PIGL: variants seen among roughly 807,000 people sequenced by gnomAD.
PIGL encodes phosphatidylinositol glycan anchor biosynthesis class L.
A neutral mutation model predicts 31.1 loss-of-function variants in PIGL; 22 were observed. The observed-to-expected ratio is 0.71, with a 90% CI of 0.51 to 1.01. The LOEUF is 1.01. Among genes scored for constraint, PIGL ranks in the 50% least tolerant of loss-of-function variants. PIGL has a pLI of 0.00. For synonymous variants in PIGL, 131 were observed against 117.4 expected, an observed-to-expected ratio of 1.12 and a Z score of -0.75; for missense variants, 302 against 315.9, an observed-to-expected ratio of 0.96 and a Z score of 0.33.
At chr17:16,298,764 A>C (rs1350202567) in intron 2 of PIGL, among the ~76,000 whole-genome samples, 1 of 151,850 alleles carries the variant, frequency 6.6e-6, no homozygotes, top group Non-Finnish European at 1.5e-5. Flanking sequence ...GCAGTGGCTC[A>C]CGCCTGTAAT....
intron 2 of PIGL, among the ~76,000 whole-genome samples, chr17:16,274,858 C>G (rs1290029765): frequency 6.6e-6 from 1 of 151,714 alleles, no homozygotes; most frequent in Non-Finnish European, 1.5e-5. Context: ...ATGGCAAAAC[C>G]CCGTCTCTAC....
At chr17:16,217,624 G>GAGATCTACACCAA in intron 1 of PIGL, 163 bp downstream of exon 1, 2 of 556,090 alleles carry the variant, frequency 3.6e-6, no homozygotes, top group Admixed American at 3.4e-5. Flanking sequence ...AGGAGCGGCC[G>GAGATCTACACCAA]GCTTACCTGG....
intron 2 of PIGL, among the ~76,000 whole-genome samples, chr17:16,280,283 G>C (rs2092911202): frequency 6.6e-6 from 1 of 152,202 alleles, no homozygotes; most frequent in Non-Finnish European, 1.5e-5. Flanking sequence ...GGTCCTATAA[G>C]ACTGGAGAAA....
intron 2 of PIGL, among the ~76,000 whole-genome samples, chr17:16,296,972 G>A (rs560492041): frequency 7.0e-4 from 106 of 152,010 alleles, no homozygotes; most frequent in Middle Eastern, 3.4e-3. Flanking sequence ...CGCCCGCCTC[G>A]GCCTCCCAAA....
intron 3 of PIGL, among the ~76,000 whole-genome samples, chr17:16,310,041 G>A (rs1347704091): frequency 1.5e-5 from 2 of 132,838 alleles, no homozygotes; most frequent in African/African-American, 5.8e-5. Context: ...TCGCACCACT[G>A]CACTCTAGCT....
At chr17:16,285,569 C>CAA (rs572923923) in intron 2 of PIGL, among the ~76,000 whole-genome samples, 5 of 137,076 alleles carry the variant, frequency 3.6e-5, no homozygotes, top group African/African-American at 5.3e-5. Context: ...GCTCTGTCTC[C>CAA]AAAAAAAAAA....
intron 2 of PIGL, among the ~76,000 whole-genome samples, chr17:16,258,096 AGAGAGAAAGAG>A (rs2092802958): frequency 1.5e-5 from 2 of 130,226 alleles, no homozygotes; most frequent in African/African-American, 5.9e-5. Context: ...AGAGAGAGAG[AGAGAGAAAGAG>A]AGAGAGAGAG....
At chr17:16,315,819 C>T (rs1257999381) in intron 4 of PIGL, among the ~76,000 whole-genome samples, 1 of 146,262 alleles carries the variant, frequency 6.8e-6, no homozygotes, top group Non-Finnish European at 1.5e-5. Flanking sequence ...GCCTCAGCCT[C>T]CTGAGTAGCT....
intron 2 of PIGL, among the ~76,000 whole-genome samples, chr17:16,239,023 C>T (rs986839924): frequency 3.3e-5 from 5 of 150,384 alleles, no homozygotes; most frequent in Non-Finnish European, 4.4e-5. Context: ...GATTACAGGC[C>T]GGAGCCACCT....
chr17:16,217,700 C>G, intron 1 of PIGL: 1 of 533,242 alleles, frequency 1.9e-6, no homozygotes, highest in Non-Finnish European at 3.4e-6. Context: ...GAAACAGTTG[C>G]AGTTGGTTGT....
intron 1 of PIGL, among the ~76,000 whole-genome samples, chr17:16,228,050 C>CT (rs113533456): frequency 0.049 from 6,311 of 127,820 alleles, 156 homozygotes; most frequent in East Asian, 0.073. Flanking sequence ...CCATTTTAAA[C>CT]TTTTTTTTTT....
chr17:16,246,672 C>CTTTTTTATTTTTTTTT, intron 2 of PIGL, among the ~76,000 whole-genome samples: 1 of 64,162 alleles, frequency 1.6e-5, no homozygotes, highest in Non-Finnish European at 3.1e-5. Flanking sequence ...AGATCAAGGT[C>CTTTTTTATTTTTTTTT]TTTTTTTTTT....
chr17:16,301,640 C>T (rs2142838886), intron 3 of PIGL, among the ~76,000 whole-genome samples: 1 of 149,946 alleles, frequency 6.7e-6, no homozygotes, highest in Non-Finnish European at 1.5e-5. Flanking sequence ...GGTGTGATCG[C>T]CGCTCACTGC....
chr17:16,314,567 A>C (rs2093067974), intron 4 of PIGL, among the ~76,000 whole-genome samples: 2 of 152,152 alleles, frequency 1.3e-5, no homozygotes, highest in South Asian at 4.1e-4. Context: ...CACTTGGTGG[A>C]AGATGCTAGA....
intron 1 of PIGL, among the ~76,000 whole-genome samples, chr17:16,231,627 A>C (rs921104576): frequency 6.6e-6 from 1 of 152,150 alleles, no homozygotes; most frequent in Middle Eastern, 3.2e-3. Flanking sequence ...GTTTACCCTT[A>C]TAAATTATGA....
intron 1 of PIGL, among the ~76,000 whole-genome samples, chr17:16,229,331 T>C (rs2092667907): frequency 6.6e-6 from 1 of 151,900 alleles, no homozygotes; most frequent in African/African-American, 2.4e-5. Flanking sequence ...TGTGTATATA[T>C]ACATACATAT....
chr17:16,257,199 C>T (rs1464310818), intron 2 of PIGL, among the ~76,000 whole-genome samples: 1 of 151,958 alleles, frequency 6.6e-6, no homozygotes, highest in African/African-American at 2.4e-5. Flanking sequence ...GGTTGATCAC[C>T]TGAGGTCAGG....
rs1344055897 is a variant in PIGL at position 16,317,915 on chromosome 17, A to C, written c.660+7A>C. ...AGAAGTGGCACAGGCCAAGGTGAGGATTGTAAATTCCTGGACACCCCAACT... is the reference window on the plus strand; with the variant it reads ...AGAAGTGGCACAGGCCAAGGTGAGGCTTGTAAATTCCTGGACACCCCAACT... On this transcript the variant is annotated splice_region_variant and intron_variant, in intron 6 of 6. Coordinates refer to ENST00000225609, the MANE Select transcript of PIGL (RefSeq NM_004278.4). 6.2e-7 allele frequency: 1 copy of C among 1,609,562 alleles called. No individual in the cohort carries two copies. The highest frequency in any genetic ancestry group is 8.5e-7 in the Non-Finnish European group (1 of 1,179,564).
chr17:16,246,864 T>A (rs1311669484), intron 2 of PIGL, among the ~76,000 whole-genome samples: 1 of 150,464 alleles, frequency 6.6e-6, no homozygotes, highest in Admixed American at 6.7e-5. Context: ...TTTTTTTGTA[T>A]TTTTTTAGTA....
Sources: allele counts gnomAD v4.1 joint callset (sites outside exome capture counted in the v4.1 genomes callset), GRCh38; gene constraint gnomAD v4.1.1; transcripts MANE v1.5; gene names NCBI Gene and HGNC (gene_info 2026-07-23, HGNC 2026-07-21).